Variants in NDC1 observed in about 807,000 individuals in gnomAD.
The protein encoded by NDC1 is nucleoporin NDC1.
A neutral mutation model predicts 89.8 loss-of-function variants in NDC1; 24 were observed. The ratio of observed to expected loss-of-function variants is 0.27; its 90% CI spans 0.19 to 0.38. The LOEUF (loss-of-function observed/expected upper bound fraction) is 0.38. Among genes scored for constraint, NDC1 ranks in the 10% least tolerant of loss-of-function variants. NDC1 has a pLI of 1.00. For synonymous variants in NDC1, 296 were observed against 284.8 expected (o/e 1.04, Z -0.39); for missense variants, 728 against 797.6 (o/e 0.91, Z 1.05).
At chr1:53,816,075 C>T (rs1648464661) in intron 6 of NDC1, among the ~76,000 whole-genome samples, 1 of 152,164 alleles carries the variant, frequency 6.6e-6, no homozygotes, top group African/African-American at 2.4e-5. Flanking sequence ...CACCATCATT[C>T]TTCACAGAAT....
At chr1:53,825,493 C>T (rs571143319) in intron 5 of NDC1, among the ~76,000 whole-genome samples, 1 of 144,828 alleles carries the variant, frequency 6.9e-6, no homozygotes, top group Non-Finnish European at 1.5e-5. Flanking sequence ...GCATGAATGT[C>T]ATCATCATCT....
At chr1:53,813,884 CA>C (rs1648393343) in intron 6 of NDC1, among the ~76,000 whole-genome samples, 2 of 152,160 alleles carry the variant, frequency 1.3e-5, no homozygotes, top group African/African-American at 4.8e-5. Context: ...GGCCATAAAA[CA>C]AACCTCAATA....
Position 53,828,044 on chromosome 1 carries a change from T to C in NDC1, c.410A>G (p.Gln137Arg). The change falls in exon 4 of 18, where the codon CAG (glutamine) becomes CGG (arginine). Residue 137 changes from glutamine to arginine, a missense_variant. Transcript: ENST00000371429. ...VMAWCAAVIT[Q>R]GQYSFLVVPC... Reference sequence around the variant, plus strand: ...AACCACAAGAAAGCTGTACTGGCCCTGGGTTATCACTGCAGCACACCAGGC... The same window carrying C: ...AACCACAAGAAAGCTGTACTGGCCCCGGGTTATCACTGCAGCACACCAGGC... The C allele has an allele frequency of 6.2e-7, 1 of 1,614,012 alleles. No homozygotes were observed. Among genetic ancestry groups the C allele is most frequent in the Admixed American group, 1.7e-5 (1 of 60,006 alleles).
chr1:53,822,371 A>C (rs897476907), intron 5 of NDC1, among the ~76,000 whole-genome samples: 2 of 152,166 alleles, frequency 1.3e-5, no homozygotes, highest in Non-Finnish European at 2.9e-5. Flanking sequence ...TACATGAAAA[A>C]AGTAGTTACT....
At chr1:53,810,821 T>C (rs1648279262) in intron 6 of NDC1, among the ~76,000 whole-genome samples, 1 of 152,224 alleles carries the variant, frequency 6.6e-6, no homozygotes, top group African/African-American at 2.4e-5. Flanking sequence ...AGCTTGCAGA[T>C]GCTTGTGTTG....
At chr1:53,832,187 C>T (rs1006905746) in intron 3 of NDC1, among the ~76,000 whole-genome samples, 12 of 152,256 alleles carry the variant, frequency 7.9e-5, no homozygotes, top group African/African-American at 2.9e-4. Flanking sequence ...AACAGCAATT[C>T]TCCACTCCCC....
intron 14 of NDC1, among the ~76,000 whole-genome samples, chr1:53,792,647 A>G (rs1259695247): frequency 6.6e-6 from 1 of 152,194 alleles, no homozygotes; most frequent in Non-Finnish European, 1.5e-5. Flanking sequence ...CATAGGGGCA[A>G]AGGTTTTGCA....
In NDC1 at chr1:53,825,015, A is replaced by G. The variant is rs534857750; in HGVS notation, c.594+783T>C. On this transcript the variant is annotated intron_variant, in intron 5 of 17. Transcript: ENST00000371429. ...ATGGAGAAACCCCATCTCTACAAAA[A>G]ATACAAAAATTAGCCAGGCACAGTG... 1.2e-3 allele frequency among the ~76,000 whole-genome samples: 184 copies of G among 152,160 alleles called. 1 individual carries two copies. The highest frequency in any genetic ancestry group is 4.1e-3 in the African/African-American group (172 of 41,510).
chr1:53,825,798 C>A lies in NDC1; in HGVS notation c.594G>T (p.Gln198His). The part of the protein sequence containing the change: ...NMNYLPFPII[Q>H]QYKFLRFRRS... ...TCAAGTAATGCTCAAATGATCTTAC[C>A]TGTATGATGGGAAATGGAAGATAGT... Residue 198 changes from glutamine to histidine, a missense_variant and splice_region_variant, in exon 5 of 18, where the codon CAG (glutamine) becomes CAT (histidine). Physicochemically the swap from Gln to His is conservative, Grantham distance 24. Coordinates refer to ENST00000371429, the MANE Select transcript of NDC1 (RefSeq NM_018087.5). 6.3e-7 allele frequency: 1 copy of A among 1,586,142 alleles called. No individual in the cohort carries two copies. The highest frequency in any genetic ancestry group is 2.3e-5 in the East Asian group (1 of 44,328).
At chr1:53,838,137 C>T in intron 1 of NDC1, 68 bp downstream of exon 1, 2 of 1,447,656 alleles carry the variant, frequency 1.4e-6, no homozygotes, top group Non-Finnish European at 1.9e-6. Flanking sequence ...CCAGCGCGCA[C>T]GCGCGATCAG....
chr1:53,767,898 A>G lies in NDC1; in HGVS notation c.*72T>C. On this transcript the variant is annotated 3_prime_UTR_variant, in exon 18 of 18. Transcript: ENST00000371429. ...AATTAGTCCGTTTTCTTCTGATCCA[A>G]GAATGCTGAACATTTACTGTCCCAT... The G allele has an allele frequency of 1.0e-6, 1 of 958,644 alleles. No individual in the cohort carries two copies. The allele number at this position is 958,644 out of a possible 1,614,324, so 59.4% of individuals were successfully genotyped here.
At chr1:53,835,377 G>T (rs1236943193) in intron 2 of NDC1, 123 bp downstream of exon 2, 1 of 618,458 alleles carries the variant, frequency 1.6e-6, no homozygotes, top group Non-Finnish European at 2.7e-6. Flanking sequence ...ATCTCAAAGT[G>T]AATGTTTTGA....
intron 16 of NDC1, among the ~76,000 whole-genome samples, chr1:53,783,031 C>T (rs555887569): frequency 6.6e-6 from 1 of 152,216 alleles, no homozygotes; most frequent in South Asian, 2.1e-4. Context: ...AGTCCATGGG[C>T]TTCAACAGAC....
Position 53,772,507 on chromosome 1 carries a change from A to T in NDC1, c.1801-18T>A, listed in dbSNP as rs771567928. 12 of 1,610,818 alleles carry T rather than the reference A, an allele frequency of 7.4e-6. No homozygotes were observed. In the Admixed American group the frequency reaches 2.0e-4, roughly 27 times the overall value. On this transcript the variant is annotated intron_variant, in intron 16 of 17. Coordinates refer to ENST00000371429, the MANE Select transcript of NDC1 (RefSeq NM_018087.5). The stretch of plus-strand genomic sequence containing the variant: ...TCGACTGCCTACACCAAGAAAGAAA[A>T]CACATCAGTTTAGATTATAAAGAAA...
intron 5 of NDC1, 122 bp from the exon 6 acceptor site, chr1:53,819,201 G>A: frequency 3.2e-6 from 2 of 617,166 alleles, no homozygotes; most frequent in Admixed American, 3.7e-5. Context: ...TGTATAAGAA[G>A]ACAAAGAGTA....
At chr1:53,804,308 C>G (rs1212877704) in intron 9 of NDC1, among the ~76,000 whole-genome samples, 1 of 152,178 alleles carries the variant, frequency 6.6e-6, no homozygotes, top group Admixed American at 6.5e-5. Context: ...TTCCCTCACA[C>G]AAACATACAC....
At chr1:53,836,860 A>G (rs1014625059) in intron 1 of NDC1, among the ~76,000 whole-genome samples, 6 of 152,222 alleles carry the variant, frequency 3.9e-5, no homozygotes, top group Admixed American at 6.6e-5. Context: ...GGAAGAAAAC[A>G]TAGGAGTAAA....
At chr1:53,823,498 T>C (rs886169765) in intron 5 of NDC1, among the ~76,000 whole-genome samples, 1 of 152,228 alleles carries the variant, frequency 6.6e-6, no homozygotes, top group Non-Finnish European at 1.5e-5. Flanking sequence ...AACAATAATT[T>C]ATCAGCATTG....
At chr1:53,789,084 AT>A (rs1294269253) in intron 15 of NDC1, 48 bp downstream of exon 15, 1 of 1,202,128 alleles carries the variant, frequency 8.3e-7, no homozygotes, top group East Asian at 2.3e-5. Flanking sequence ...ATACTTCAAT[AT>A]TTAACTGACA....
Sources: allele counts gnomAD v4.1 joint callset (sites outside exome capture counted in the v4.1 genomes callset), GRCh38; gene constraint gnomAD v4.1.1; transcripts MANE v1.5; gene names NCBI Gene and HGNC (gene_info 2026-07-23, HGNC 2026-07-21).